The following CCSER2 variants were observed in gnomAD, a reference collection of about 807,000 sequenced individuals.
CCSER2 encodes serine-rich coiled-coil domain-containing protein 2.
A neutral mutation model predicts 92.3 loss-of-function variants in CCSER2; 46 were observed. That is an observed-to-expected ratio of 0.50 (90% CI 0.39 to 0.64). CCSER2 has a LOEUF of 0.64. Among genes scored for constraint, CCSER2 ranks in the 30% least tolerant of loss-of-function variants. CCSER2 has a pLI of 0.00. For missense variants in CCSER2, 1,244 were observed against 1,238.9 expected (o/e 1.00, Z -0.06); for synonymous variants, 433 against 431.4 (o/e 1.00, Z -0.04).
At chr10:84,504,087 C>T (rs1848914885) in intron 9 of CCSER2, among the ~76,000 whole-genome samples, 1 of 152,066 alleles carries the variant, frequency 6.6e-6, no homozygotes, top group Non-Finnish European at 1.5e-5. Flanking sequence ...TGGGACAATA[C>T]TTTCTCTTAA....
intron 1 of CCSER2, among the ~76,000 whole-genome samples, chr10:84,337,060 A>T (rs1157606117): frequency 6.6e-6 from 1 of 152,238 alleles, no homozygotes; most frequent in Non-Finnish European, 1.5e-5. Context: ...ATTTTAAGTT[A>T]GTAATCTGAG....
chr10:84,415,877 G>T (rs547612924), intron 3 of CCSER2, among the ~76,000 whole-genome samples: 1 of 152,184 alleles, frequency 6.6e-6, no homozygotes, highest in Admixed American at 6.5e-5. Flanking sequence ...GGGTCTTAAC[G>T]TGTAAGGTGC....
At chr10:84,483,956 TATATA>T (rs1564711448) in intron 9 of CCSER2, among the ~76,000 whole-genome samples, 4,376 of 88,998 alleles carry the variant, frequency 0.049, 247 homozygotes, top group Admixed American at 0.1. Context: ...GGCTAATTTA[TATATA>T]TATATATATA....
At position 84,464,033 on chromosome 10, in the gene CCSER2, A is replaced by G. The variant is rs1278363998; in HGVS notation, c.2148+17A>G. The G allele has an allele frequency of 4.1e-6, 6 of 1,452,260 alleles. No homozygotes were observed. Among genetic ancestry groups the G allele is most frequent in the East Asian group, 2.3e-5 (1 of 43,318 alleles). The allele number at this position is 1,452,260 out of a possible 1,614,324, so 90.0% of individuals were successfully genotyped here. ...GTATATAAGGTATGACTATGTAGTC[A>G]TGCTGGATTTTTCAAAATTCTTTTT... On this transcript the variant is annotated intron_variant, in intron 7 of 9. Coordinates refer to ENST00000372088, the MANE Select transcript of CCSER2 (RefSeq NM_001284240.2).
At chr10:84,502,717 C>T (rs1466262512) in intron 9 of CCSER2, among the ~76,000 whole-genome samples, 1 of 152,046 alleles carries the variant, frequency 6.6e-6, no homozygotes, top group Non-Finnish European at 1.5e-5. Flanking sequence ...TGCCTTTATC[C>T]TCTAAATGGG....
At chr10:84,462,562 T>C (rs1485405622) in intron 6 of CCSER2, among the ~76,000 whole-genome samples, 2 of 152,206 alleles carry the variant, frequency 1.3e-5, no homozygotes. Context: ...CTTTCTTTAT[T>C]TCTTAATTTT....
At chr10:84,350,584 A>C (rs979604505) in intron 1 of CCSER2, among the ~76,000 whole-genome samples, 14 of 152,252 alleles carry the variant, frequency 9.2e-5, no homozygotes, top group African/African-American at 2.9e-4. Context: ...AGTCTGCACT[A>C]TCTCTGTCAA....
chr10:84,397,435 C>G (rs1425074557), intron 3 of CCSER2, among the ~76,000 whole-genome samples: 1 of 152,184 alleles, frequency 6.6e-6, no homozygotes, highest in Non-Finnish European at 1.5e-5. Flanking sequence ...TGTAACTTGA[C>G]TGGTTTGAGG....
intron 6 of CCSER2, among the ~76,000 whole-genome samples, chr10:84,447,086 C>T (rs1844969903): frequency 6.6e-6 from 1 of 151,314 alleles, no homozygotes; most frequent in Non-Finnish European, 1.5e-5. Context: ...CCCGGTACAA[C>T]CGTGAGAAAG....
intron 9 of CCSER2, among the ~76,000 whole-genome samples, chr10:84,490,084 T>C (rs1848063044): frequency 6.6e-6 from 1 of 152,218 alleles, no homozygotes; most frequent in Admixed American, 6.5e-5. Flanking sequence ...CTCTTCTGGC[T>C]TGTAGAGTTT....
rs931030912 is a variant in CCSER2 at position 84,387,274 on chromosome 10, A to G, written c.1614+13459A>G. 2.0e-5 allele frequency among the ~76,000 whole-genome samples: 3 copies of G among 152,120 alleles called. No individual in the cohort carries two copies. In the East Asian group the frequency reaches 5.8e-4, roughly 29 times the overall value. On this transcript the variant is annotated intron_variant, in intron 3 of 9. Coordinates refer to ENST00000372088, the MANE Select transcript of CCSER2 (RefSeq NM_001284240.2). The stretch of plus-strand genomic sequence containing the variant: ...GTTAACTGTTCAATGATGAGACCCC[A>G]TGGCACTTTAAATCACACCCTGGTT...
chr10:84,444,826 T>C (rs1023721203), intron 6 of CCSER2, among the ~76,000 whole-genome samples: 9 of 152,240 alleles, frequency 5.9e-5, no homozygotes, highest in Non-Finnish European at 1.3e-4. Flanking sequence ...GTGGTTTTAC[T>C]CAAATTAAGA....
At chr10:84,499,516 A>G (rs1435450917) in intron 9 of CCSER2, among the ~76,000 whole-genome samples, 3 of 152,174 alleles carry the variant, frequency 2.0e-5, no homozygotes, top group Admixed American at 6.5e-5. Flanking sequence ...TAACACCTAA[A>G]GTCTATCTCC....
chr10:84,510,770 GTTGT>G (rs1220046283), intron 9 of CCSER2, among the ~76,000 whole-genome samples: 1 of 152,194 alleles, frequency 6.6e-6, no homozygotes, highest in African/African-American at 2.4e-5. Flanking sequence ...GAGGTAGCTT[GTTGT>G]TCAACTTGCT....
chr10:84,416,050 G>A (rs573008538), intron 3 of CCSER2, among the ~76,000 whole-genome samples: 12 of 152,264 alleles, frequency 7.9e-5, no homozygotes, highest in East Asian at 5.8e-4. Flanking sequence ...CTACCTGGAC[G>A]CCACACAGCT....
At chr10:84,406,155 A>G (rs1842365103) in intron 3 of CCSER2, among the ~76,000 whole-genome samples, 2 of 152,340 alleles carry the variant, frequency 1.3e-5, no homozygotes, top group South Asian at 2.1e-4. Flanking sequence ...GAGTGAATGA[A>G]GTCATTCTCA....
chr10:84,435,815 A>G (rs1564660097), intron 5 of CCSER2, among the ~76,000 whole-genome samples: 2 of 152,218 alleles, frequency 1.3e-5, no homozygotes, highest in Non-Finnish European at 2.9e-5. Context: ...ACAGGTCGCT[A>G]TAAAAACACC....
chr10:84,339,521 G>C (rs1844053931), intron 1 of CCSER2, among the ~76,000 whole-genome samples: 1 of 150,274 alleles, frequency 6.7e-6, no homozygotes, highest in South Asian at 2.1e-4. Flanking sequence ...TGTTGCCCAG[G>C]CTGGAGTGCA....
At chr10:84,504,615 A>G (rs539284855) in intron 9 of CCSER2, among the ~76,000 whole-genome samples, 1 of 152,336 alleles carries the variant, frequency 6.6e-6, no homozygotes, top group South Asian at 2.1e-4. Flanking sequence ...GCTACTTAAA[A>G]ATTACACTTT....
Sources: allele counts gnomAD v4.1 joint callset (sites outside exome capture counted in the v4.1 genomes callset), GRCh38; gene constraint gnomAD v4.1.1; transcripts MANE v1.5; gene names NCBI Gene and HGNC (gene_info 2026-07-23, HGNC 2026-07-21).